The following PPP4R1 variants were observed in gnomAD, a reference collection of about 807,000 sequenced individuals.
PPP4R1 encodes protein phosphatase 4 regulatory subunit 1.
PPP4R1 carries 42 observed loss-of-function variants against 111.2 expected under a neutral mutation model. That is an observed-to-expected ratio of 0.38 (90% CI 0.29 to 0.49). The LOEUF (loss-of-function observed/expected upper bound fraction) is 0.49, where lower values mean the gene tolerates loss of function less well. PPP4R1 is among the 20% of genes least tolerant of loss of function. The pLI is 0.97. For missense variants in PPP4R1, 1,012 were observed against 1,161.6 expected, an observed-to-expected ratio of 0.87 and a Z score of 1.87; for synonymous variants, 409 against 405.5, an observed-to-expected ratio of 1.01 and a Z score of -0.10.
intron 2 of PPP4R1, among the ~76,000 whole-genome samples, chr18:9,609,831 A>T (rs1448962870): frequency 6.6e-6 from 1 of 152,246 alleles, no homozygotes; most frequent in African/African-American, 2.4e-5. Context: ...TGGGCCATTT[A>T]AGAAAATATT....
At chr18:9,595,805 C>A (rs1285115793) in intron 2 of PPP4R1, among the ~76,000 whole-genome samples, 2 of 151,964 alleles carry the variant, frequency 1.3e-5, no homozygotes, top group East Asian at 3.9e-4. Context: ...GAAGAGAAGA[C>A]CAAGAAAGAA....
intron 13 of PPP4R1, among the ~76,000 whole-genome samples, chr18:9,560,599 T>G (rs1351106341): frequency 6.6e-6 from 1 of 152,150 alleles, no homozygotes; most frequent in African/African-American, 2.4e-5. Flanking sequence ...GGAAATAAAC[T>G]CATTAAAATG....
rs199656552 is a variant in PPP4R1, at chr18:9,549,194, T to C, written c.2689+3A>G. 3.1e-6 allele frequency: 5 copies of C among 1,611,902 alleles called. No homozygotes were observed. The highest frequency in any genetic ancestry group is 2.2e-5 in the South Asian group (2 of 91,052). ...CGCTTCTTCTAGTGGAGTCACTACC[T>C]ACCTTTTTCTAGTAGAGTTTGTCTT... is the stretch of plus-strand genomic sequence containing the variant. On this transcript the variant is annotated splice_donor_region_variant and intron_variant, in intron 19 of 19. Transcript: ENST00000400556.
At chr18:9,562,257 T>C (rs559150014) in intron 12 of PPP4R1, among the ~76,000 whole-genome samples, 182 bp from the exon 13 acceptor site, 70 of 152,330 alleles carry the variant, frequency 4.6e-4, no homozygotes, top group South Asian at 1.0e-3. Context: ...ACTTGCTGAA[T>C]AGGTTGTCAA....
At chr18:9,611,737 C>A (rs573768126) in intron 2 of PPP4R1, among the ~76,000 whole-genome samples, 6 of 152,214 alleles carry the variant, frequency 3.9e-5, no homozygotes, top group African/African-American at 1.4e-4. Context: ...TGCAGCCGGG[C>A]GCAGTGGCTC....
At chr18:9,552,867 C>A (rs1444765117) in intron 16 of PPP4R1, among the ~76,000 whole-genome samples, 2 of 152,146 alleles carry the variant, frequency 1.3e-5, no homozygotes, top group Admixed American at 6.5e-5. Flanking sequence ...TGGAGGACAA[C>A]TGAAAACATT....
At chr18:9,602,950 T>C (rs1309154218) in intron 2 of PPP4R1, among the ~76,000 whole-genome samples, 1 of 152,186 alleles carries the variant, frequency 6.6e-6, no homozygotes, top group Non-Finnish European at 1.5e-5. Context: ...TATTCATCTA[T>C]AAAATAATGG....
At chr18:9,550,953 T>C (rs2066479444) in intron 16 of PPP4R1, 1 of 152,574 alleles carries the variant, frequency 6.6e-6, no homozygotes. Flanking sequence ...AATGATGGCC[T>C]TGAAGAAATA....
rs770760576 is a variant in PPP4R1 at position 9,563,435 on chromosome 18, T to C, written c.1689A>G (p.Leu563=). ...DLQDELDINE[L]PNCKINQEDS... ...CTTCTTGATTTATTTTACAATTTGG[T>C]AGCTCATTTATATCCAGTTCATCTT... The change falls in exon 12 of 20, where the codon CTA becomes CTG. Residue 563 remains leucine (L), a synonymous_variant. Coordinates refer to ENST00000400556, the MANE Select transcript of PPP4R1 (RefSeq NM_001042388.3). The C allele has an allele frequency of 5.6e-6, 9 of 1,612,516 alleles. 1 individual carries two copies. The South Asian group carries it at 9.9e-5, about 18-fold the overall frequency.
chr18:9,553,535 A>G, intron 15 of PPP4R1, 113 bp from the exon 16 acceptor site: 1 of 673,520 alleles, frequency 1.5e-6, no homozygotes, highest in African/African-American at 1.8e-5. Context: ...TGAAGAGGAA[A>G]TGTAGTAGCT....
At chr18:9,614,606 GGGGGCGCGCGCGC>G, upstream of PPP4R1, 1 of 537,322 alleles carries the variant, frequency 1.9e-6, no homozygotes, top group Non-Finnish European at 2.4e-6. This position sits in a 1 kb window ranked among gnomAD's most constrained non-coding sequence, Gnocchi z 4.1. Context: ...CCGGGCTGGC[GGGGGCGCGCGCGC>G]GGGGCGGGCC....
chr18:9,553,138 G>C (rs776147260), intron 16 of PPP4R1, among the ~76,000 whole-genome samples, 184 bp downstream of exon 16: 3 of 151,792 alleles, frequency 2.0e-5, no homozygotes, highest in Non-Finnish European at 4.4e-5. Context: ...ACATTTTCAA[G>C]AAAAAATAAA....
rs2066451723 is a variant in PPP4R1 at position 9,549,356 on chromosome 18, C to G, written c.2548-18G>C. 1 of 1,575,256 alleles carries G rather than the reference C, an allele frequency of 6.3e-7. No homozygotes were observed. Among genetic ancestry groups the G allele is most frequent in the African/African-American group, 1.3e-5 (1 of 74,422 alleles). On this transcript the variant is annotated intron_variant, in intron 18 of 19. Transcript: ENST00000400556. ...ATGACAGTCTGGGGAAGAGAAACAG[C>G]TGCTCTAGGCTTCTCTGTCAATGTA...
Position 9,608,517 on chromosome 18 carries a change from G to GA in PPP4R1, c.52+5708dup, listed in dbSNP as rs570921763. Among the ~76,000 whole-genome samples the GA allele has an allele frequency of 3.4e-3, 519 of 152,350 alleles. 2 individuals are homozygous for GA. The highest frequency in any genetic ancestry group is 4.8e-3 in the Non-Finnish European group (327 of 68,036). On this transcript the variant is annotated intron_variant, in intron 2 of 19. Transcript: ENST00000400556. ...TTAAAAGTTAGGAGAGTTAAGAAAT[G>GA]AATGTGGAGGAAGCAGCATTGATGA...
chr18:9,613,807 T>C (rs1431955764), intron 2 of PPP4R1: 1 of 153,414 alleles, frequency 6.5e-6, no homozygotes, highest in East Asian at 1.9e-4. Flanking sequence ...AGAGCGACTC[T>C]AAGGAAACAC....
chr18:9,579,470 A>G (rs1464411422), intron 9 of PPP4R1, among the ~76,000 whole-genome samples: 1 of 152,008 alleles, frequency 6.6e-6, no homozygotes, highest in African/African-American at 2.4e-5. Flanking sequence ...TTCGGACAAA[A>G]GACTATCTTG....
intron 11 of PPP4R1, among the ~76,000 whole-genome samples, 171 bp downstream of exon 11, chr18:9,569,986 G>A (rs2066832865): frequency 6.6e-6 from 1 of 152,120 alleles, no homozygotes; most frequent in Non-Finnish European, 1.5e-5. Flanking sequence ...CTGGTCTCAA[G>A]TGATCCTCCT....
chr18:9,552,226 ATG>A (rs2066500474), intron 16 of PPP4R1, among the ~76,000 whole-genome samples: 1 of 152,242 alleles, frequency 6.6e-6, no homozygotes, highest in African/African-American at 2.4e-5. Context: ...CAATTTAAAA[ATG>A]TGCAACAGAC....
intron 2 of PPP4R1, among the ~76,000 whole-genome samples, chr18:9,605,598 A>AAAG: frequency 6.7e-6 from 1 of 148,988 alleles, no homozygotes; most frequent in Middle Eastern, 3.5e-3. Flanking sequence ...AAAAAAAAGG[A>AAAG]AAGAATAACC....
Sources: allele counts gnomAD v4.1 joint callset (sites outside exome capture counted in the v4.1 genomes callset), GRCh38; gene constraint gnomAD v4.1.1; non-coding constraint Gnocchi (gnomAD v3.1); transcripts MANE v1.5; gene names NCBI Gene and HGNC (gene_info 2026-07-23, HGNC 2026-07-21).